Variants in PLAAT2 observed in about 807,000 individuals in gnomAD.
The protein encoded by PLAAT2 is HRAS like suppressor 2.
In PLAAT2, 12 loss-of-function variants were observed where a neutral mutation model predicts 12.8. The observed-to-expected ratio is 0.94, with a 90% CI of 0.60 to 1.52. The LOEUF (loss-of-function observed/expected upper bound fraction) is 1.52. Among genes scored for constraint, PLAAT2 ranks in the 40% most tolerant of loss-of-function variants. The pLI is 0.00. For synonymous variants in PLAAT2, 79 were observed against 86.8 expected, an observed-to-expected ratio of 0.91 and a Z score of 0.50; for missense variants, 166 against 208.1, an observed-to-expected ratio of 0.80 and a Z score of 1.24.
chr11:63,553,049 G>T lies in PLAAT2; in HGVS notation c.404C>A (p.Thr135Lys). 6.2e-7 allele frequency: 1 copy of T among 1,613,048 alleles called. No individual in the cohort carries two copies. Among genetic ancestry groups the T allele is most frequent in the Non-Finnish European group, 8.5e-7 (1 of 1,179,350 alleles). ...SRSDQVTGAV[T>K]TVGVAAGLLA... is the part of the protein sequence containing the mutation. Reference sequence around the variant, plus strand: ...CAGGCCTGCTGCCACACCTACTGTCGTGACTGCACCAGTGACCTGCAGCAG... The same window carrying T: ...CAGGCCTGCTGCCACACCTACTGTCTTGACTGCACCAGTGACCTGCAGCAG... The change falls in exon 4 of 4, where the codon ACG becomes AAG. Residue 135 changes from threonine (T) to lysine (K), a missense_variant. Coordinates refer to ENST00000255695, the MANE Select transcript of PLAAT2 (RefSeq NM_017878.2).
chr11:63,559,219 C>T (rs1288925985), intron 2 of PLAAT2, among the ~76,000 whole-genome samples: 1 of 152,198 alleles, frequency 6.6e-6, no homozygotes, highest in Non-Finnish European at 1.5e-5. Flanking sequence ...TGGAGGATTG[C>T]TTTAGCGCCG....
chr11:63,563,327 T>C lies in PLAAT2; in HGVS notation c.-3A>G. 6.2e-7 allele frequency: 1 copy of C among 1,614,152 alleles called. No individual in the cohort carries two copies. The highest frequency in any genetic ancestry group is 1.3e-5 in the African/African-American group (1 of 75,042). On this transcript the variant is annotated 5_prime_UTR_variant, in exon 1 of 4. Coordinates refer to ENST00000255695, the MANE Select transcript of PLAAT2 (RefSeq NM_017878.2). ...TTCTGGGGACTTACCAAAGCCATCCTTCCTTCAAGATGATGTCTTGTGTGT... is the reference window on the plus strand; with the variant it reads ...TTCTGGGGACTTACCAAAGCCATCCCTCCTTCAAGATGATGTCTTGTGTGT...
At chr11:63,554,766 CA>C (rs2017451393) in intron 3 of PLAAT2, among the ~76,000 whole-genome samples, 1 of 152,082 alleles carries the variant, frequency 6.6e-6, no homozygotes, top group African/African-American at 2.4e-5. Flanking sequence ...AACCAGCGAC[CA>C]AATAGCAGAT....
chr11:63,564,288 G>C (rs1393243394), upstream of PLAAT2, among the ~76,000 whole-genome samples: 2 of 148,722 alleles, frequency 1.3e-5, no homozygotes, highest in African/African-American at 5.0e-5. Flanking sequence ...TGAGGCACCT[G>C]CATGCTTATC....
upstream of PLAAT2, among the ~76,000 whole-genome samples, chr11:63,564,058 G>T (rs1038565497): frequency 3.3e-5 from 5 of 152,176 alleles, no homozygotes; most frequent in African/African-American, 1.2e-4. Context: ...AATGATGGTT[G>T]CCGGGACAGG....
At chr11:63,563,960 G>A (rs964111671), upstream of PLAAT2, among the ~76,000 whole-genome samples, 1 of 152,120 alleles carries the variant, frequency 6.6e-6, no homozygotes, top group Non-Finnish European at 1.5e-5. Context: ...GGGGGCAAGG[G>A]AGGATATAGA....
At chr11:63,560,058 G>T in intron 2 of PLAAT2, 27 bp downstream of exon 2, 2 of 1,466,054 alleles carry the variant, frequency 1.4e-6, no homozygotes, top group Non-Finnish European at 9.5e-7. Flanking sequence ...CTTAACCCTT[G>T]TGCTTAAAAA....
intron 3 of PLAAT2, 35 bp downstream of exon 3, chr11:63,558,357 G>A (rs1590670303): frequency 1.9e-6 from 3 of 1,606,226 alleles, no homozygotes; most frequent in Non-Finnish European, 2.6e-6. Context: ...GGAGTGGCCT[G>A]GCTCCTGGGA....
At chr11:63,555,570 T>C (rs1017906741) in intron 3 of PLAAT2, among the ~76,000 whole-genome samples, 1 of 152,160 alleles carries the variant, frequency 6.6e-6, no homozygotes, top group Non-Finnish European at 1.5e-5. Flanking sequence ...CGTGTGCCTG[T>C]AGTCCCATCT....
rs2017533999 is a variant in PLAAT2, at chr11:63,563,239, C to G, written c.9+77G>C. 2.6e-6 allele frequency: 4 copies of G among 1,566,582 alleles called. No individual in the cohort carries two copies. In the African/African-American group the frequency reaches 5.4e-5, roughly 21 times the overall value. Reference sequence around the variant, plus strand: ...CCTCCATGCCAGAGCTGTAGACCAACAAGAATACACATAATCATCACTAAT... The same window carrying G: ...CCTCCATGCCAGAGCTGTAGACCAAGAAGAATACACATAATCATCACTAAT... On this transcript the variant is annotated intron_variant, in intron 1 of 3. Coordinates refer to ENST00000255695, the MANE Select transcript of PLAAT2 (RefSeq NM_017878.2).
At chr11:63,556,364 C>T (rs1385596102) in intron 3 of PLAAT2, among the ~76,000 whole-genome samples, 1 of 152,200 alleles carries the variant, frequency 6.6e-6, no homozygotes. Context: ...CCCTCAGAAG[C>T]ATAGCAGAGG....
intron 1 of PLAAT2, 78 bp from the exon 2 acceptor site, chr11:63,560,271 C>T: frequency 9.9e-7 from 1 of 1,005,874 alleles, no homozygotes; most frequent in Non-Finnish European, 1.5e-6. Flanking sequence ...GCAAGGAGCC[C>T]CAGCTCAGCC....
chr11:63,562,157 G>A (rs1024988174), intron 1 of PLAAT2, among the ~76,000 whole-genome samples: 22 of 152,360 alleles, frequency 1.4e-4, no homozygotes, highest in South Asian at 4.1e-4. Flanking sequence ...GGAAGAATAC[G>A]CACCAGGTTG....
In PLAAT2 at chr11:63,558,511, T is replaced by C; in HGVS notation, c.268A>G (p.Asn90Asp). ...TCCTCTGCCCGCTTGACGATTTTGTTGGAAGGCAGTGGTGTGTATCTGTCA... is the reference window on the plus strand; with the variant it reads ...TCCTCTGCCCGCTTGACGATTTTGTCGGAAGGCAGTGGTGTGTATCTGTCA... The part of the protein sequence containing the change: ...HDDRYTPLPS[N>D]KIVKRAEELV... The change falls in exon 3 of 4, where the codon AAC becomes GAC. Residue 90 changes from asparagine (N) to aspartate (D), a missense_variant. By Grantham distance (23) the Asn-to-Asp change is conservative. Transcript: ENST00000255695. 1 of 1,614,214 alleles carries C rather than the reference T, an allele frequency of 6.2e-7. No homozygotes were observed. Among genetic ancestry groups the C allele is most frequent in the Non-Finnish European group, 8.5e-7 (1 of 1,180,030 alleles).
intron 1 of PLAAT2, among the ~76,000 whole-genome samples, chr11:63,561,681 T>C (rs988098384): frequency 1.4e-5 from 2 of 145,126 alleles, no homozygotes; most frequent in Non-Finnish European, 3.0e-5. Context: ...AGACTACGCA[T>C]TGGGTACCGA....
At chr11:63,563,073 G>A (rs1408030108) in intron 1 of PLAAT2, among the ~76,000 whole-genome samples, 1 of 152,162 alleles carries the variant, frequency 6.6e-6, no homozygotes, top group Non-Finnish European at 1.5e-5. Context: ...AAGCATAAAC[G>A]CAAACTTTGG....
rs2017429061 is a variant in PLAAT2 at position 63,552,860 on chromosome 11, T to C, written c.*104A>G. On this transcript the variant is annotated 3_prime_UTR_variant, in exon 4 of 4. Transcript: ENST00000255695. ...GCTTTTAACTCCATTAAAATAAAGA[T>C]TCATGAACACAAAACAGTAAAATCA... 71 of 728,444 alleles carry C rather than the reference T, an allele frequency of 9.7e-5. 1 individual carries two copies. In the South Asian group the frequency reaches 1.1e-3, roughly 12 times the overall value. 45.1% of individuals were successfully genotyped at this position (728,444 alleles called of 1,614,324 possible).
At chr11:63,558,335 C>G (rs778420436) in intron 3 of PLAAT2, 57 bp downstream of exon 3, 40 of 1,592,700 alleles carry the variant, frequency 2.5e-5, no homozygotes, top group Non-Finnish European at 3.3e-5. Flanking sequence ...GACCCAGCCT[C>G]TGGCAGCTGA....
At chr11:63,561,818 T>C (rs2017522031) in intron 1 of PLAAT2, among the ~76,000 whole-genome samples, 1 of 151,572 alleles carries the variant, frequency 6.6e-6, no homozygotes, top group South Asian at 2.1e-4. Flanking sequence ...AGCCTTTGAC[T>C]AGAGGGGTCA....
Sources: gnomAD v4.1 joint callset for allele counts (sites outside exome capture counted in the v4.1 genomes callset) on GRCh38, gnomAD v4.1.1 for gene constraint, MANE v1.5 for transcripts, NCBI Gene and HGNC (gene_info 2026-07-23, HGNC 2026-07-21) for gene names.